Variants in LUZP2 observed in about 807,000 individuals in gnomAD.
LUZP2 encodes leucine zipper protein 2.
In LUZP2, 52 loss-of-function variants were observed where a neutral mutation model predicts 51.6. That is an observed-to-expected ratio of 1.01 (90% CI 0.81 to 1.27). The LOEUF (loss-of-function observed/expected upper bound fraction) is 1.27. LUZP2 is among the 50% of genes most tolerant of loss of function. The pLI, the probability that LUZP2 is intolerant of heterozygous loss-of-function variation, is 0.00. For missense variants in LUZP2, 436 were observed against 395.4 expected, an observed-to-expected ratio of 1.10 and a Z score of -0.87; for synonymous variants, 154 against 137.3, an observed-to-expected ratio of 1.12 and a Z score of -0.85.
intron 1 of LUZP2, among the ~76,000 whole-genome samples, chr11:24,571,696 T>C (rs1047373415): frequency 6.6e-6 from 1 of 152,070 alleles, no homozygotes; most frequent in African/African-American, 2.4e-5. Context: ...AAAATTGCCT[T>C]AGAAATGTAT....
intron 10 of LUZP2, among the ~76,000 whole-genome samples, chr11:25,056,625 G>T (rs1232611313): frequency 6.6e-6 from 1 of 152,066 alleles, no homozygotes; most frequent in Non-Finnish European, 1.5e-5. Context: ...ATCAATATAA[G>T]GTAGATGAAG....
chr11:24,764,383 C>T (rs1489496847), intron 5 of LUZP2, among the ~76,000 whole-genome samples: 2 of 150,624 alleles, frequency 1.3e-5, no homozygotes, highest in African/African-American at 2.4e-5. Flanking sequence ...AGGCTGGGCA[C>T]AGTGGCTCAC....
At chr11:24,628,134 A>C (rs1158212000) in intron 1 of LUZP2, among the ~76,000 whole-genome samples, 1 of 151,980 alleles carries the variant, frequency 6.6e-6, no homozygotes, top group Non-Finnish European at 1.5e-5. Flanking sequence ...CGTACTTTTA[A>C]ATTTTGGAAC....
chr11:24,750,601 G>A (rs552162346), intron 4 of LUZP2, among the ~76,000 whole-genome samples: 10 of 152,130 alleles, frequency 6.6e-5, no homozygotes, highest in Non-Finnish European at 8.8e-5. Context: ...TATTAAATAG[G>A]CTCACTTTGG....
Position 24,821,017 on chromosome 11 carries a change from T to C in LUZP2, c.396+57709T>C, listed in dbSNP as rs182305050. Reference sequence around the variant, plus strand: ...GGATCTGAAAAGCAACAAATTGGAGTGTAGAATATTTTGGAATGTCTTTTT... The same window carrying C: ...GGATCTGAAAAGCAACAAATTGGAGCGTAGAATATTTTGGAATGTCTTTTT... On this transcript the variant is annotated intron_variant, in intron 5 of 11. Coordinates refer to ENST00000336930, the MANE Select transcript of LUZP2 (RefSeq NM_001009909.4). Among the ~76,000 whole-genome samples, 823 of 152,064 alleles carry C rather than the reference T, an allele frequency of 5.4e-3. 7 individuals are homozygous for C. The highest frequency in any genetic ancestry group is 0.019 in the African/African-American group (782 of 41,506).
intron 1 of LUZP2, among the ~76,000 whole-genome samples, chr11:24,616,060 T>A (rs1396287101): frequency 6.6e-6 from 1 of 151,774 alleles, no homozygotes; most frequent in African/African-American, 2.4e-5. Flanking sequence ...CTTTATATAC[T>A]CTTGGTACAA....
intron 5 of LUZP2, among the ~76,000 whole-genome samples, chr11:24,775,116 T>C (rs922330430): frequency 1.3e-5 from 2 of 151,964 alleles, no homozygotes; most frequent in African/African-American, 4.8e-5. Context: ...AGGGGGAAGA[T>C]GACGACAATA....
At chr11:25,032,306 T>C (rs1338053234) in intron 9 of LUZP2, among the ~76,000 whole-genome samples, 2 of 152,216 alleles carry the variant, frequency 1.3e-5, no homozygotes, top group East Asian at 3.9e-4. Flanking sequence ...TTATAAGTTG[T>C]TGCAGCAGCA....
chr11:24,662,085 C>T (rs1479917678), intron 1 of LUZP2, among the ~76,000 whole-genome samples: 2 of 150,852 alleles, frequency 1.3e-5, no homozygotes, highest in Admixed American at 6.6e-5. Flanking sequence ...AAGCAGAAAA[C>T]CAACCATCAC....
At chr11:24,590,634 C>T (rs1272162915) in intron 1 of LUZP2, among the ~76,000 whole-genome samples, 2 of 152,058 alleles carry the variant, frequency 1.3e-5, no homozygotes, top group East Asian at 1.9e-4. Flanking sequence ...AAAGGATATC[C>T]ATGGTGTTAA....
At chr11:25,053,041 T>C (rs1858568859) in intron 10 of LUZP2, among the ~76,000 whole-genome samples, 1 of 152,068 alleles carries the variant, frequency 6.6e-6, no homozygotes. Flanking sequence ...CAAAAACCAC[T>C]GAATCAGCAA....
intron 1 of LUZP2, among the ~76,000 whole-genome samples, chr11:24,609,555 C>A (rs1448759899): frequency 6.6e-6 from 1 of 151,474 alleles, no homozygotes; most frequent in Non-Finnish European, 1.5e-5. Context: ...GTGAAAAAAC[C>A]CTGTCTCTAC....
chr11:24,898,280 T>C (rs1853150049), intron 5 of LUZP2, among the ~76,000 whole-genome samples: 1 of 152,044 alleles, frequency 6.6e-6, no homozygotes. Flanking sequence ...GTCAGATCCT[T>C]GTATCTGTTT....
At chr11:24,943,036 A>G (rs1365479446) in intron 7 of LUZP2, among the ~76,000 whole-genome samples, 1 of 152,228 alleles carries the variant, frequency 6.6e-6, no homozygotes, top group Non-Finnish European at 1.5e-5. Flanking sequence ...ACTGTGTACA[A>G]CTTCTTATGC....
intron 1 of LUZP2, among the ~76,000 whole-genome samples, chr11:24,590,791 T>G (rs1565011854): frequency 6.6e-6 from 1 of 152,162 alleles, no homozygotes; most frequent in Non-Finnish European, 1.5e-5. Flanking sequence ...TTTTCCCCCA[T>G]GAATATCTTG....
At chr11:24,784,230 T>C (rs1010847613) in intron 5 of LUZP2, among the ~76,000 whole-genome samples, 20 of 152,040 alleles carry the variant, frequency 1.3e-4, no homozygotes, top group African/African-American at 4.1e-4. Context: ...ATCTTGTTTT[T>C]ATTCTACTTT....
At chr11:24,803,238 T>C (rs1324283107) in intron 5 of LUZP2, among the ~76,000 whole-genome samples, 1 of 152,000 alleles carries the variant, frequency 6.6e-6, no homozygotes, top group Admixed American at 6.6e-5. Flanking sequence ...ATAAGACATA[T>C]AATGGCTAAG....
intron 1 of LUZP2, among the ~76,000 whole-genome samples, chr11:24,574,150 T>G (rs1852530081): frequency 6.6e-6 from 1 of 151,264 alleles, no homozygotes; most frequent in Non-Finnish European, 1.5e-5. Context: ...TTTCCTTCCT[T>G]CTTCCTTCTT....
At chr11:24,597,424 G>A (rs1412641845) in intron 1 of LUZP2, among the ~76,000 whole-genome samples, 2 of 152,146 alleles carry the variant, frequency 1.3e-5, no homozygotes, top group African/African-American at 2.4e-5. Context: ...CGTAGTCAGC[G>A]TACAGCCTAT....
Sources: allele counts gnomAD v4.1 joint callset (sites outside exome capture counted in the v4.1 genomes callset), GRCh38; gene constraint gnomAD v4.1.1; transcripts MANE v1.5; gene names NCBI Gene and HGNC (gene_info 2026-07-23, HGNC 2026-07-21).